Variants in NR5A2 observed in about 807,000 individuals in gnomAD.
NR5A2 encodes the protein CYP7A promoter-binding factor.
In NR5A2, 26 loss-of-function variants were observed where a neutral mutation model predicts 62.7. That is an observed-to-expected ratio of 0.41 (90% CI 0.30 to 0.58). NR5A2 has a LOEUF of 0.58. Ranked by LOEUF, NR5A2 falls within the 20% of genes least tolerant of loss-of-function variation. The probability of loss-of-function intolerance (pLI) is 0.22; values close to 1 mark genes in which losing one functional copy is unlikely to be tolerated. For missense variants in NR5A2, 541 were observed against 669.1 expected, an observed-to-expected ratio of 0.81 and a Z score of 2.11; for synonymous variants, 246 against 241.7, an observed-to-expected ratio of 1.02 and a Z score of -0.16.
At chr1:200,163,469 G>A (rs192166457) in intron 7 of NR5A2, among the ~76,000 whole-genome samples, 10 of 151,236 alleles carry the variant, frequency 6.6e-5, no homozygotes, top group African/African-American at 1.5e-4. Flanking sequence ...TGGGGGTGAC[G>A]GGCAATTTTG....
At chr1:200,087,241 AACAC>A (rs34917175) in intron 5 of NR5A2, among the ~76,000 whole-genome samples, 69,403 of 148,386 alleles carry the variant, frequency 0.47, 15,863 homozygotes, top group South Asian at 0.5. Context: ...CTTCTTCACC[AACAC>A]ACACACACAC....
Position 200,027,906 on chromosome 1 carries a change from C to A in NR5A2, c.59C>A (p.Pro20His). The part of the protein sequence containing the change: ...LQESLKHGLT[P>H]IGAGLPDRHG... ...GAGTCTTTAAAGCACGGACTTACAC[C>A]TATTGGTAAGTAGGAGTTTCTCTAT... Residue 20 changes from proline (P) to histidine (H), a missense_variant, in exon 1 of 8, where the codon CCT becomes CAT. By Grantham distance (77) the Pro-to-His change is moderately conservative. Coordinates refer to ENST00000367362, the MANE Select transcript of NR5A2 (RefSeq NM_205860.3). 6.3e-7 allele frequency: 1 copy of A among 1,584,048 alleles called. No homozygotes were observed. The highest frequency in any genetic ancestry group is 8.6e-7 in the Non-Finnish European group (1 of 1,161,854).
chr1:200,073,290 AT>A (rs1409127292), intron 5 of NR5A2, among the ~76,000 whole-genome samples: 1 of 72,832 alleles, frequency 1.4e-5, no homozygotes, highest in Non-Finnish European at 2.6e-5. Flanking sequence ...ATATATATAT[AT>A]TCCCCTTTAT....
Position 200,048,266 on chromosome 1 carries a change from C to T in NR5A2, c.558C>T (p.Ile186=). The change falls in exon 5 of 8, where the codon ATC becomes ATT. Residue 186 remains isoleucine, a synonymous_variant. Transcript: ENST00000367362. This position sits in a 1 kb window ranked among gnomAD's most constrained non-coding sequence, Gnocchi z 4.8. ...RALKQQKKAL[I]RANGLKLEAM... Reference sequence around the variant, plus strand: ...TGAAGCAACAGAAAAAAGCCCTCATCCGAGCCAATGGACTTAAGCTAGAAG... The same window carrying T: ...TGAAGCAACAGAAAAAAGCCCTCATTCGAGCCAATGGACTTAAGCTAGAAG... 3 of 1,614,128 alleles carry T rather than the reference C, an allele frequency of 1.9e-6. No individual in the cohort carries two copies. Among genetic ancestry groups the T allele is most frequent in the South Asian group, 1.1e-5 (1 of 91,078 alleles).
chr1:200,172,519 T>C (rs1431084915), intron 7 of NR5A2, among the ~76,000 whole-genome samples: 1 of 152,224 alleles, frequency 6.6e-6, no homozygotes, highest in Admixed American at 6.5e-5. Context: ...TTGAAAGAGA[T>C]ATGGTACCAA....
intron 6 of NR5A2, among the ~76,000 whole-genome samples, chr1:200,120,081 G>A (rs1205642290): frequency 3.3e-5 from 5 of 151,954 alleles, no homozygotes; most frequent in African/African-American, 1.2e-4. Flanking sequence ...TGCTTTTTAG[G>A]AAACAGAAAA....
At chr1:200,087,376 C>G (rs61819927) in intron 5 of NR5A2, among the ~76,000 whole-genome samples, 10,843 of 152,144 alleles carry the variant, frequency 0.071, 421 homozygotes, top group Middle Eastern at 0.11. Context: ...AATTCTCCTA[C>G]TTGTACTCTC....
Position 200,095,575 on chromosome 1 carries a change from T to C in NR5A2, c.1111-15627T>C, listed in dbSNP as rs1571465386. ...CAAGTAATATATTTTTTTTTTGAGA[T>C]GGAGTCTCACACTCTCGCCCAGGCT... On this transcript the variant is annotated intron_variant, in intron 5 of 7. Coordinates refer to ENST00000367362, the MANE Select transcript of NR5A2 (RefSeq NM_205860.3). Among the ~76,000 whole-genome samples, 9 of 151,570 alleles carry C rather than the reference T, an allele frequency of 5.9e-5. No homozygotes were observed. The South Asian group carries it at 6.2e-4, about 11-fold the overall frequency.
intron 5 of NR5A2, among the ~76,000 whole-genome samples, chr1:200,073,235 C>CATATATATATATATATAT (rs3033980): frequency 2.8e-5 from 3 of 105,922 alleles, no homozygotes; most frequent in African/African-American, 1.1e-4. Flanking sequence ...CATTTACATA[C>CATATATATATATATATAT]ATATATATAT....
intron 5 of NR5A2, among the ~76,000 whole-genome samples, chr1:200,075,906 T>G (rs200323692): frequency 1.3e-5 from 1 of 77,558 alleles, no homozygotes; most frequent in African/African-American, 4.6e-5. Context: ...CTTTTTTTTT[T>G]GTTAAGAAAC....
At chr1:200,045,403 T>C in intron 3 of NR5A2, 40 bp from the exon 4 acceptor site, 4 of 1,529,992 alleles carry the variant, frequency 2.6e-6, no homozygotes, top group Non-Finnish European at 3.5e-6. Flanking sequence ...AGACGGGTGT[T>C]AGATTTATAA....
intron 7 of NR5A2, among the ~76,000 whole-genome samples, chr1:200,125,717 G>C (rs1666672656): frequency 6.6e-6 from 1 of 152,094 alleles, no homozygotes; most frequent in Non-Finnish European, 1.5e-5. Context: ...GGTCATCTAA[G>C]CAAGTACTAT....
At chr1:200,144,092 G>T (rs1261841259) in intron 7 of NR5A2, among the ~76,000 whole-genome samples, 2 of 152,014 alleles carry the variant, frequency 1.3e-5, no homozygotes, top group African/African-American at 4.8e-5. Flanking sequence ...GCACCAAAAT[G>T]AGAATTCACC....
At chr1:200,035,108 AG>A (rs1661715410) in intron 1 of NR5A2, among the ~76,000 whole-genome samples, 1 of 152,088 alleles carries the variant, frequency 6.6e-6, no homozygotes, top group Admixed American at 6.5e-5. Context: ...GAGCTCCCGT[AG>A]GCTGAAAAAC....
Position 200,121,859 on chromosome 1 carries a change from G to A in NR5A2, c.1378+904G>A, listed in dbSNP as rs77764207. ...GATAGTTGTGAATTCATATTCTAGG[G>A]AATAAAACAATAAAACAAACTGCAA... On this transcript the variant is annotated intron_variant, in intron 7 of 7. Coordinates refer to ENST00000367362, the MANE Select transcript of NR5A2 (RefSeq NM_205860.3). Among the ~76,000 whole-genome samples the A allele has an allele frequency of 2.1e-4, 32 of 152,168 alleles. 2 individuals are homozygous for A. In the East Asian group the frequency reaches 6.2e-3, roughly 29 times the overall value.
At position 200,147,165 on chromosome 1, in the gene NR5A2, G is replaced by A. The variant is rs1667741622; in HGVS notation, c.1378+26210G>A. Among the ~76,000 whole-genome samples the A allele has an allele frequency of 6.6e-6, 1 of 152,234 alleles. No homozygotes were observed. The highest frequency in any genetic ancestry group is 6.5e-5 in the Admixed American group (1 of 15,294). On this transcript the variant is annotated intron_variant, in intron 7 of 7. Coordinates refer to ENST00000367362, the MANE Select transcript of NR5A2 (RefSeq NM_205860.3). This position sits in a 1 kb window ranked among gnomAD's most constrained non-coding sequence, Gnocchi z 4.9. ...AAAGTGGGCTGTGATGCAAGGTACT[G>A]TGAGATAAAGAAGCAATTGTTTCAC...
intron 5 of NR5A2, among the ~76,000 whole-genome samples, chr1:200,105,303 T>TAACA (rs1558141601): frequency 6.6e-6 from 1 of 152,038 alleles, no homozygotes; most frequent in Non-Finnish European, 1.5e-5. Flanking sequence ...AAGAGCATTC[T>TAACA]AACAGGAAAC....
intron 5 of NR5A2, among the ~76,000 whole-genome samples, chr1:200,050,612 C>T (rs573949173): frequency 2.1e-4 from 32 of 152,146 alleles, no homozygotes; most frequent in African/African-American, 7.2e-4. Flanking sequence ...TTACTGGGGC[C>T]GGGTGCAGTG....
intron 1 of NR5A2, among the ~76,000 whole-genome samples, chr1:200,037,755 A>G (rs909687412): frequency 6.6e-6 from 1 of 152,264 alleles, no homozygotes; most frequent in Non-Finnish European, 1.5e-5. Context: ...TTGCTACTAA[A>G]GCTGAAGTCT....
Sources: allele counts gnomAD v4.1 joint callset (sites outside exome capture counted in the v4.1 genomes callset), GRCh38; gene constraint gnomAD v4.1.1; non-coding constraint Gnocchi (gnomAD v3.1); transcripts MANE v1.5; gene names NCBI Gene and HGNC (gene_info 2026-07-23, HGNC 2026-07-21).